VPS13B: variants seen among roughly 807,000 people sequenced by gnomAD.
VPS13B encodes intermembrane lipid transfer protein VPS13B.
A neutral mutation model predicts 426.4 loss-of-function variants in VPS13B; 285 were observed. The observed-to-expected ratio is 0.67, with a 90% CI of 0.61 to 0.74. The LOEUF is 0.74. VPS13B is among the 30% of genes least tolerant of loss of function. The pLI is 0.00. For missense variants in VPS13B, 4,537 were observed against 4,782.6 expected (o/e 0.95, Z 1.51); for synonymous variants, 1,676 against 1,676.4 (o/e 1.00, Z 0.01).
intron 19 of VPS13B, among the ~76,000 whole-genome samples, chr8:99,286,320 G>A (rs1819440817): frequency 6.6e-6 from 1 of 152,148 alleles, no homozygotes; most frequent in South Asian, 2.1e-4. Flanking sequence ...GTCTGTTAAA[G>A]AATAATTTTT....
rs556165876 is a variant in VPS13B, at chr8:99,667,535, GAT to G, written c.6046+6049_6046+6050del. ...TATTTGAGAGAAGATTAGTTTAAAT[GAT>G]ATATCAGCTGTGTGTGACTTCTTCT... On this transcript the variant is annotated intron_variant, in intron 35 of 61. Transcript: ENST00000357162. 1.2e-4 allele frequency among the ~76,000 whole-genome samples: 19 copies of G among 152,200 alleles called. No individual in the cohort carries two copies. The South Asian group carries it at 3.9e-3, about 32-fold the overall frequency.
intron 17 of VPS13B, among the ~76,000 whole-genome samples, chr8:99,260,776 G>A (rs1359441759): frequency 6.6e-6 from 1 of 151,878 alleles, no homozygotes; most frequent in African/African-American, 2.4e-5. Flanking sequence ...TCAGTATTCT[G>A]AAGAACCAAA....
intron 33 of VPS13B, among the ~76,000 whole-genome samples, chr8:99,579,965 T>C (rs1825971915): frequency 6.6e-6 from 1 of 152,310 alleles, no homozygotes; most frequent in Admixed American, 6.5e-5. Context: ...CCCAAAGTGC[T>C]GAGATTACAG....
chr8:99,046,554 T>C (rs935419063), intron 3 of VPS13B, among the ~76,000 whole-genome samples: 2 of 152,168 alleles, frequency 1.3e-5, no homozygotes, highest in Non-Finnish European at 2.9e-5. Context: ...TTCTCTTATC[T>C]GATTGCTCTG....
intron 16 of VPS13B, among the ~76,000 whole-genome samples, chr8:99,173,362 T>G (rs1425894498): frequency 1.3e-5 from 2 of 152,000 alleles, no homozygotes; most frequent in African/African-American, 4.8e-5. Context: ...CCAGGGTAAA[T>G]TCTTTTAGTT....
Position 99,778,958 on chromosome 8 carries a change from T to A in VPS13B, c.7706T>A (p.Val2569Asp), listed in dbSNP as rs1434588029. Reference protein sequence around the residue: ...VEKLLDCTVIVDSVFVNLGQH... With the variant: ...VEKLLDCTVIDDSVFVNLGQH... ...AAGCTGCTTGACTGCACCGTGATAG[T>A]TGATTCTGTATTTGTAAACCTTGGA... The change falls in exon 42 of 62, where the codon GTT (valine) becomes GAT (aspartate). Residue 2569 changes from valine to aspartate, a missense_variant. Coordinates refer to ENST00000357162, the MANE Select transcript of VPS13B (RefSeq NM_152564.5). 6.2e-7 allele frequency: 1 copy of A among 1,613,986 alleles called. No homozygotes were observed. Among genetic ancestry groups the A allele is most frequent in the South Asian group, 1.1e-5 (1 of 91,078 alleles).
chr8:99,297,317 G>C (rs1302385535), intron 19 of VPS13B, among the ~76,000 whole-genome samples: 1 of 152,096 alleles, frequency 6.6e-6, no homozygotes, highest in Non-Finnish European at 1.5e-5. Context: ...CTAGCTGTTA[G>C]AACTTTGTTC....
rs547946974 is a variant in VPS13B at position 99,447,392 on chromosome 8, A to G, written c.3445+4757A>G. On this transcript the variant is annotated intron_variant, in intron 23 of 61. Transcript: ENST00000357162. ...AGGATCATATAAAGAAGGGAAGAGC[A>G]GAAAACTTTATTTCTAGTTTACCTG... 3.3e-5 allele frequency among the ~76,000 whole-genome samples: 5 copies of G among 152,346 alleles called. No individual in the cohort carries two copies. In the East Asian group the frequency reaches 9.6e-4, roughly 29 times the overall value.
intron 17 of VPS13B, among the ~76,000 whole-genome samples, chr8:99,201,796 T>C (rs1250649464): frequency 6.6e-6 from 1 of 152,238 alleles, no homozygotes; most frequent in African/African-American, 2.4e-5. Context: ...TTACTATTTC[T>C]GTTGCGCATT....
At chr8:99,239,349 A>G (rs1309504183) in intron 17 of VPS13B, among the ~76,000 whole-genome samples, 1 of 152,106 alleles carries the variant, frequency 6.6e-6, no homozygotes, top group African/African-American at 2.4e-5. Flanking sequence ...GAATTGACAA[A>G]ATCAGTCAAA....
chr8:99,224,665 T>A (rs1430374814), intron 17 of VPS13B, among the ~76,000 whole-genome samples: 1 of 152,194 alleles, frequency 6.6e-6, no homozygotes, highest in Non-Finnish European at 1.5e-5. Context: ...AGTAAAAAGA[T>A]ACAAGTATAG....
intron 42 of VPS13B, among the ~76,000 whole-genome samples, chr8:99,780,539 A>G (rs958244913): frequency 1.3e-5 from 2 of 152,168 alleles, no homozygotes; most frequent in Admixed American, 1.3e-4. Context: ...AGTGCCTTGA[A>G]GGAATATTCT....
At chr8:99,393,387 G>A (rs1814550272) in intron 21 of VPS13B, among the ~76,000 whole-genome samples, 1 of 151,952 alleles carries the variant, frequency 6.6e-6, no homozygotes, top group African/African-American at 2.4e-5. Flanking sequence ...AAAATAAGCT[G>A]AAAACATAAT....
chr8:99,473,324 A>G (rs1391020949), intron 24 of VPS13B, among the ~76,000 whole-genome samples: 1 of 152,116 alleles, frequency 6.6e-6, no homozygotes, highest in African/African-American at 2.4e-5. Flanking sequence ...GTAATGGCCA[A>G]CTAGGAATTA....
intron 21 of VPS13B, among the ~76,000 whole-genome samples, chr8:99,416,916 A>G (rs1238901381): frequency 1.3e-5 from 2 of 152,178 alleles, no homozygotes; most frequent in Non-Finnish European, 2.9e-5. Flanking sequence ...AGTATTTGTC[A>G]AACCAAATGA....
intron 19 of VPS13B, among the ~76,000 whole-genome samples, chr8:99,354,883 C>A (rs150553430): frequency 3.4e-4 from 52 of 152,162 alleles, no homozygotes; most frequent in African/African-American, 1.2e-3. Context: ...AAATCCAGCT[C>A]TGATTCGGGC....
At chr8:99,474,458 A>G (rs1819586904) in intron 24 of VPS13B, among the ~76,000 whole-genome samples, 1 of 152,142 alleles carries the variant, frequency 6.6e-6, no homozygotes, top group African/African-American at 2.4e-5. Flanking sequence ...AAGTGCTGGG[A>G]TTACAGGCAT....
At chr8:99,698,433 C>T (rs950425574) in intron 35 of VPS13B, among the ~76,000 whole-genome samples, 2 of 152,216 alleles carry the variant, frequency 1.3e-5, no homozygotes, top group Non-Finnish European at 2.9e-5. Context: ...AGACACAGCC[C>T]AGCCTCCTCG....
At chr8:99,055,370 T>G (rs953183730) in intron 3 of VPS13B, among the ~76,000 whole-genome samples, 3 of 152,182 alleles carry the variant, frequency 2.0e-5, no homozygotes, top group Non-Finnish European at 2.9e-5. Flanking sequence ...AAAATTGTTT[T>G]GGCTCTTTGC....
Sources: gnomAD v4.1 joint callset for allele counts (sites outside exome capture counted in the v4.1 genomes callset) on GRCh38, gnomAD v4.1.1 for gene constraint, MANE v1.5 for transcripts, NCBI Gene and HGNC (gene_info 2026-07-23, HGNC 2026-07-21) for gene names.